CAMTA1: variants seen among roughly 807,000 people sequenced by gnomAD.
The protein encoded by CAMTA1 is calmodulin-binding transcription activator 1.
CAMTA1 carries 27 observed loss-of-function variants against 170.9 expected under a neutral mutation model. The observed-to-expected ratio is 0.16, with a 90% CI of 0.12 to 0.22. The LOEUF is 0.22. Ranked by LOEUF, CAMTA1 falls within the 10% of genes least tolerant of loss-of-function variation. The pLI is 1.00. For synonymous variants in CAMTA1, 833 were observed against 891.5 expected (o/e 0.93, Z 1.17); for missense variants, 1,619 against 2,217.2 (o/e 0.73, Z 5.42).
chr1:7,155,980 C>T (rs544691176), intron 4 of CAMTA1, among the ~76,000 whole-genome samples: 1 of 152,092 alleles, frequency 6.6e-6, no homozygotes, highest in East Asian at 1.9e-4. Flanking sequence ...AGAGCAGGCG[C>T]GGTGGCTCAC....
chr1:7,122,939 C>T (rs148250472), intron 4 of CAMTA1, among the ~76,000 whole-genome samples: 1 of 152,338 alleles, frequency 6.6e-6, no homozygotes, highest in East Asian at 1.9e-4. Flanking sequence ...TCAAGGCGCT[C>T]TGTAAAAGTG....
At chr1:7,421,452 C>A (rs924084698) in intron 5 of CAMTA1, among the ~76,000 whole-genome samples, 6 of 152,154 alleles carry the variant, frequency 3.9e-5, no homozygotes, top group Non-Finnish European at 8.8e-5. Context: ...CTATGCCCAG[C>A]CTATTGGTTG....
intron 5 of CAMTA1, among the ~76,000 whole-genome samples, chr1:7,275,678 A>T (rs541713885): frequency 6.6e-6 from 1 of 152,162 alleles, no homozygotes; most frequent in Non-Finnish European, 1.5e-5. Context: ...GAAATGGACA[A>T]ATTTCTTAAA....
At chr1:7,175,699 A>G (rs1327848094) in intron 4 of CAMTA1, among the ~76,000 whole-genome samples, 1 of 152,240 alleles carries the variant, frequency 6.6e-6, no homozygotes, top group Non-Finnish European at 1.5e-5. Flanking sequence ...CCGTTAGTCC[A>G]TCAAACACTG....
At chr1:7,637,217 C>T (rs1283137346) in intron 6 of CAMTA1, among the ~76,000 whole-genome samples, 1 of 152,166 alleles carries the variant, frequency 6.6e-6, no homozygotes, top group Non-Finnish European at 1.5e-5. Flanking sequence ...CAGGCTGGCC[C>T]AGGCTGTGCC....
At chr1:6,865,113 T>A (rs1666132759) in intron 3 of CAMTA1, among the ~76,000 whole-genome samples, 1 of 152,184 alleles carries the variant, frequency 6.6e-6, no homozygotes. Context: ...CCTGAATGGG[T>A]GGATTTTATC....
At chr1:6,861,248 G>A (rs937126347) in intron 3 of CAMTA1, among the ~76,000 whole-genome samples, 2 of 152,088 alleles carry the variant, frequency 1.3e-5, no homozygotes, top group East Asian at 1.9e-4. Flanking sequence ...GAGCCACTGC[G>A]CCTGGCCATG....
chr1:7,002,617 G>GT (rs1698393752), intron 3 of CAMTA1, among the ~76,000 whole-genome samples: 1 of 152,220 alleles, frequency 6.6e-6, no homozygotes, highest in African/African-American at 2.4e-5. Context: ...GCACATACTT[G>GT]TGGGGTGACT....
intron 7 of CAMTA1, among the ~76,000 whole-genome samples, chr1:7,652,474 T>G (rs1199482501): frequency 6.6e-6 from 1 of 152,080 alleles, no homozygotes; most frequent in Non-Finnish European, 1.5e-5. Flanking sequence ...AAATCCCAAG[T>G]GGGGAGCCAG....
At chr1:7,639,915 T>G (rs1183880463) in intron 6 of CAMTA1, among the ~76,000 whole-genome samples, 1 of 152,132 alleles carries the variant, frequency 6.6e-6, no homozygotes, top group East Asian at 1.9e-4. Context: ...CGGGTGACCA[T>G]GCCTGTGTTG....
chr1:6,849,957 C>T (rs1659739561), intron 3 of CAMTA1, among the ~76,000 whole-genome samples: 3 of 150,720 alleles, frequency 2.0e-5, no homozygotes, highest in Admixed American at 1.3e-4. Context: ...ATCACTTGAA[C>T]CTGGGAGGTG....
chr1:7,495,846 G>C (rs1305817997), intron 6 of CAMTA1, among the ~76,000 whole-genome samples: 1 of 152,202 alleles, frequency 6.6e-6, no homozygotes, highest in Non-Finnish European at 1.5e-5. Flanking sequence ...GTTCCTCTCA[G>C]GGCTCCTCCA....
intron 6 of CAMTA1, among the ~76,000 whole-genome samples, chr1:7,527,127 CAA>C (rs1333792942): frequency 6.6e-6 from 1 of 152,208 alleles, no homozygotes; most frequent in African/African-American, 2.4e-5. Context: ...CTGAGAAACT[CAA>C]AGCCACCACT....
At position 7,565,099 on chromosome 1, in the gene CAMTA1, G is replaced by T. The variant is rs955987452; in HGVS notation, c.511-75301G>T. Among the ~76,000 whole-genome samples, 9 of 151,868 alleles carry T rather than the reference G, an allele frequency of 5.9e-5. No individual in the cohort carries two copies. The highest frequency in any genetic ancestry group is 1.9e-4 in the African/African-American group (8 of 41,340). On this transcript the variant is annotated intron_variant, in intron 6 of 22. Transcript: ENST00000303635. This position sits in a 1 kb window ranked among gnomAD's most constrained non-coding sequence, Gnocchi z 4.5. ...AAGCAGAGGGGCTGTGGGTGCCAGG[G>T]GGCTCCCTGGGGAGACTCCTGCCAG...
chr1:7,556,352 G>A (rs1486282911), intron 6 of CAMTA1, among the ~76,000 whole-genome samples: 2 of 152,136 alleles, frequency 1.3e-5, no homozygotes, highest in Admixed American at 1.3e-4. Context: ...GCCCTAGGGG[G>A]GCAGTCCCTC....
chr1:7,558,735 G>C lies in CAMTA1; in HGVS notation c.511-81665G>C, dbSNP rs564034280. Among the ~76,000 whole-genome samples the C allele has an allele frequency of 2.0e-5, 3 of 152,324 alleles. No individual in the cohort carries two copies. The South Asian group carries it at 6.2e-4, about 32-fold the overall frequency. On this transcript the variant is annotated intron_variant, in intron 6 of 22. Coordinates refer to ENST00000303635, the MANE Select transcript of CAMTA1 (RefSeq NM_015215.4). ...GCTTCCGCCACCCCCTGTGTCTGCAGCCCCAGGCCTCTATACAGTGAAAAC... is the reference window on the plus strand; with the variant it reads ...GCTTCCGCCACCCCCTGTGTCTGCACCCCCAGGCCTCTATACAGTGAAAAC...
intron 3 of CAMTA1, among the ~76,000 whole-genome samples, chr1:6,842,646 C>T (rs1040722711): frequency 5.9e-5 from 9 of 152,276 alleles, no homozygotes; most frequent in East Asian, 1.9e-4. Flanking sequence ...AAGGGCCAGG[C>T]GTGGCGGCTC....
chr1:7,509,872 C>T (rs1265455431), intron 6 of CAMTA1, among the ~76,000 whole-genome samples: 2 of 151,886 alleles, frequency 1.3e-5, no homozygotes, highest in East Asian at 3.9e-4. Flanking sequence ...AAAGTCTGCT[C>T]ATAAAGGATT....
chr1:6,963,975 C>T lies in CAMTA1; in HGVS notation c.235-127329C>T, dbSNP rs1691031409. 2.0e-5 allele frequency among the ~76,000 whole-genome samples: 3 copies of T among 152,144 alleles called. No homozygotes were observed. The South Asian group carries it at 6.2e-4, about 32-fold the overall frequency. The stretch of plus-strand genomic sequence containing the variant: ...CCTGGGTGCTCTGGGTGAGGCACAG[C>T]GTCCTGGGTGCCCAGATAGGGGTGC... On this transcript the variant is annotated intron_variant, in intron 3 of 22. Transcript: ENST00000303635.
Sources: gnomAD v4.1 joint callset for allele counts (sites outside exome capture counted in the v4.1 genomes callset) on GRCh38, gnomAD v4.1.1 for gene constraint, Gnocchi (gnomAD v3.1) non-coding constraint, MANE v1.5 for transcripts, NCBI Gene and HGNC (gene_info 2026-07-23, HGNC 2026-07-21) for gene names.